LEPR: variants seen among roughly 807,000 people sequenced by gnomAD.
LEPR encodes the protein leptin receptor, also known as OB receptor.
A neutral mutation model predicts 114.7 loss-of-function variants in LEPR; 56 were observed. The observed-to-expected ratio is 0.49, with a 90% confidence interval of 0.39 to 0.61. LEPR has a LOEUF of 0.61. LEPR is among the 20% of genes least tolerant of loss of function. The pLI is 0.00. For missense variants in LEPR, 1,202 were observed against 1,352.9 expected, an observed-to-expected ratio of 0.89 and a Z score of 1.75; for synonymous variants, 443 against 461.4, an observed-to-expected ratio of 0.96 and a Z score of 0.51.
chr1:65,557,051 T>G (rs1327968069), intron 2 of LEPR, among the ~76,000 whole-genome samples: 3 of 152,114 alleles, frequency 2.0e-5, no homozygotes, highest in Non-Finnish European at 2.9e-5. Context: ...AAGAAATAAT[T>G]GTGGCATAGA....
At chr1:65,584,352 G>A (rs932467308) in intron 5 of LEPR, among the ~76,000 whole-genome samples, 4 of 152,028 alleles carry the variant, frequency 2.6e-5, no homozygotes, top group Non-Finnish European at 5.9e-5. Context: ...TGCAGAGCTA[G>A]TTAGTGCACA....
Position 65,439,873 on chromosome 1 carries a change from T to G in LEPR, c.-21+14495T>G, listed in dbSNP as rs531149580. ...AGCTGGGCGCAGTGGCGTGTGCCTGTAATCCCAGCTCCTAGCTACTCAGGA... is the reference window on the plus strand; with the variant it reads ...AGCTGGGCGCAGTGGCGTGTGCCTGGAATCCCAGCTCCTAGCTACTCAGGA... On this transcript the variant is annotated intron_variant, in intron 2 of 19. Coordinates refer to ENST00000349533, the MANE Select transcript of LEPR (RefSeq NM_002303.6). Among the ~76,000 whole-genome samples, 4 of 146,308 alleles carry G rather than the reference T, an allele frequency of 2.7e-5. No homozygotes were observed. The South Asian group carries it at 8.6e-4, about 32-fold the overall frequency.
At chr1:65,526,143 C>G (rs1570611333) in intron 2 of LEPR, 4 of 984,676 alleles carry the variant, frequency 4.1e-6, no homozygotes, top group Non-Finnish European at 4.8e-6. Flanking sequence ...ACTTCTTTTC[C>G]AGGCTTCGTG....
chr1:65,451,371 G>A (rs1646782498), intron 2 of LEPR, among the ~76,000 whole-genome samples: 1 of 152,028 alleles, frequency 6.6e-6, no homozygotes, highest in Non-Finnish European at 1.5e-5. Context: ...GTCCTGAATG[G>A]TAATGCCTAG....
intron 2 of LEPR, among the ~76,000 whole-genome samples, chr1:65,515,429 T>A (rs1357850488): frequency 6.6e-6 from 1 of 152,312 alleles, no homozygotes; most frequent in South Asian, 2.1e-4. Flanking sequence ...GACAAAACCA[T>A]TTTTTGTGTA....
At chr1:65,626,133 G>A (rs1013481671) in intron 19 of LEPR, 2 of 1,612,152 alleles carry the variant, frequency 1.2e-6, no homozygotes, top group Non-Finnish European at 1.7e-6. Flanking sequence ...AAAATGCCTG[G>A]CACAAAGGAA....
At chr1:65,547,926 C>T (rs1651904647) in intron 2 of LEPR, among the ~76,000 whole-genome samples, 1 of 148,876 alleles carries the variant, frequency 6.7e-6, no homozygotes, top group Admixed American at 6.8e-5. Context: ...ATCTTTCCTG[C>T]TTTCTCCTGT....
At chr1:65,453,748 G>T (rs2100339823) in intron 2 of LEPR, among the ~76,000 whole-genome samples, 1 of 152,316 alleles carries the variant, frequency 6.6e-6, no homozygotes, top group Non-Finnish European at 1.5e-5. Context: ...GAAAAAAAAT[G>T]TATATTCTGT....
chr1:65,525,183 T>C (rs1321612901), intron 2 of LEPR, among the ~76,000 whole-genome samples: 1 of 151,358 alleles, frequency 6.6e-6, no homozygotes, highest in Non-Finnish European at 1.5e-5. Flanking sequence ...TTTGATCTTT[T>C]CCATTTAGCT....
chr1:65,429,904 C>T, intron 2 of LEPR: 1 of 1,537,764 alleles, frequency 6.5e-7, no homozygotes, highest in South Asian at 1.2e-5. Flanking sequence ...ACGCCATCTC[C>T]CCCATCCCCC....
chr1:65,495,213 T>C (rs1035259584), intron 2 of LEPR, among the ~76,000 whole-genome samples: 1 of 151,962 alleles, frequency 6.6e-6, no homozygotes, highest in Non-Finnish European at 1.5e-5. Context: ...AACAACTCAA[T>C]AGCAAAAAAA....
At chr1:65,454,268 T>C (rs939933004) in intron 2 of LEPR, among the ~76,000 whole-genome samples, 2 of 152,160 alleles carry the variant, frequency 1.3e-5, no homozygotes, top group East Asian at 1.9e-4. Flanking sequence ...AATTGGAACG[T>C]TTAGTCCATT....
chr1:65,636,587 T>G lies in LEPR; in HGVS notation c.3070T>G (p.Phe1024Val). 6.2e-7 allele frequency: 1 copy of G among 1,614,130 alleles called. No individual in the cohort carries two copies. The highest frequency in any genetic ancestry group is 1.6e-4 in the Middle Eastern group (1 of 6,062). ...SSKNSPLKDS[F>V]SNSSWEIEAQ... The stretch of plus-strand genomic sequence containing the variant: ...CAAAAATTCTCCGTTGAAGGATTCT[T>G]TCTCTAATAGCTCATGGGAGATAGA... Residue 1024 changes from phenylalanine (F) to valine (V), a missense_variant, in exon 20 of 20, where the codon TTC becomes GTC. By Grantham distance (50) the Phe-to-Val change is conservative (BLOSUM62 -1). Transcript: ENST00000349533.
chr1:65,433,521 A>C, intron 2 of LEPR: 2 of 985,436 alleles, frequency 2.0e-6, no homozygotes, highest in East Asian at 1.1e-4. Context: ...AAATACATTC[A>C]AAACACTTAA....
intron 2 of LEPR, among the ~76,000 whole-genome samples, chr1:65,550,549 G>A (rs573453925): frequency 1.3e-5 from 2 of 152,282 alleles, no homozygotes; most frequent in African/African-American, 2.4e-5. Flanking sequence ...CCTCGCTGCC[G>A]CCTTGAAGTT....
intron 2 of LEPR, among the ~76,000 whole-genome samples, chr1:65,511,820 T>G (rs1287269977): frequency 6.6e-6 from 1 of 152,182 alleles, no homozygotes; most frequent in Non-Finnish European, 1.5e-5. Flanking sequence ...GCTACTCCCC[T>G]TTATTCCAGA....
rs763824125 is a variant in LEPR at position 65,572,378 on chromosome 1, C to T, written c.423C>T (p.Ile141=). ...CWLKGDLKLF[I]CYVESLFKNL... Reference sequence around the variant, plus strand: ...TAAAAGGAGACTTAAAATTATTCATCTGTTATGTGGAGTCATTATTTAAGA... The same window carrying T: ...TAAAAGGAGACTTAAAATTATTCATTTGTTATGTGGAGTCATTATTTAAGA... Residue 141 remains isoleucine, a synonymous_variant, in exon 5 of 20, where the codon ATC becomes ATT. Transcript: ENST00000349533. 7.0e-7 allele frequency: 1 copy of T among 1,423,918 alleles called. No homozygotes were observed. The highest frequency in any genetic ancestry group is 1.9e-5 in the Admixed American group (1 of 51,322). 88.2% of individuals were successfully genotyped at this position (1,423,918 alleles called of 1,614,324 possible).
At position 65,455,844 on chromosome 1, in the gene LEPR, A is replaced by G. The variant is rs572685632; in HGVS notation, c.-21+30466A>G. ...GCTTCCTGGCTGCTTTGTTTACCTA[A>G]TCAAGCCTGGACAATGGTGGGCGCC... is the stretch of plus-strand genomic sequence containing the variant. On this transcript the variant is annotated intron_variant, in intron 2 of 19. Transcript: ENST00000349533. Among the ~76,000 whole-genome samples the G allele has an allele frequency of 5.0e-3, 765 of 152,174 alleles. 8 individuals carry two copies. The highest frequency in any genetic ancestry group is 0.018 in the African/African-American group (737 of 41,520).
chr1:65,587,390 A>G (rs1281197093), intron 5 of LEPR, among the ~76,000 whole-genome samples: 1 of 152,076 alleles, frequency 6.6e-6, no homozygotes, highest in Non-Finnish European at 1.5e-5. Flanking sequence ...AAAGATTTAG[A>G]TAAAATCGAA....
Sources: allele counts gnomAD v4.1 joint callset (sites outside exome capture counted in the v4.1 genomes callset), GRCh38; gene constraint gnomAD v4.1.1; transcripts MANE v1.5; gene names NCBI Gene and HGNC (gene_info 2026-07-23, HGNC 2026-07-21).